The following CEP43 variants were observed in gnomAD, a reference collection of about 807,000 sequenced individuals.
CEP43 encodes centrosomal protein 43, also known as FGFR1 oncogene partner.
Under a neutral mutation model 52.6 loss-of-function variants are expected in CEP43, and 36 were observed. That is an observed-to-expected ratio of 0.68 (90% CI 0.52 to 0.90). CEP43 has a LOEUF of 0.90. CEP43 is among the 40% of genes least tolerant of loss of function. The pLI, the probability that CEP43 is intolerant of heterozygous loss-of-function variation, is 0.00. For synonymous variants in CEP43, 192 were observed against 172.4 expected, an observed-to-expected ratio of 1.11 and a Z score of -0.89; for missense variants, 506 against 472.8, an observed-to-expected ratio of 1.07 and a Z score of -0.65.
At chr6:167,032,821 A>G (rs1054931683) in intron 11 of CEP43, among the ~76,000 whole-genome samples, 179 bp downstream of exon 11, 1 of 152,196 alleles carries the variant, frequency 6.6e-6, no homozygotes, top group African/African-American at 2.4e-5. Flanking sequence ...ATTTTAGAGC[A>G]TGTTTTTGAT....
At position 167,011,809 on chromosome 6, in the gene CEP43, G is replaced by A. The variant is rs568827267; in HGVS notation, c.519+916G>A. On this transcript the variant is annotated intron_variant, in intron 6 of 12. Transcript: ENST00000366847. The stretch of plus-strand genomic sequence containing the variant: ...CACGTGGTGGAAAGAGGGTGAGAGA[G>A]CTCTCTGGGGTCAGGGCCCTAATCC... 3 of 152,392 alleles carry A rather than the reference G, an allele frequency of 2.0e-5. No homozygotes were observed. In the South Asian group the frequency reaches 6.2e-4, roughly 32 times the overall value. The allele number at this position is 152,392 out of a possible 1,614,324, so 9.4% of individuals were successfully genotyped here.
chr6:167,012,671 C>T (rs533785885), intron 6 of CEP43, among the ~76,000 whole-genome samples: 124 of 152,264 alleles, frequency 8.1e-4, no homozygotes, highest in African/African-American at 2.9e-3. Flanking sequence ...ATATTAAAGT[C>T]TATTTTACGT....
intron 7 of CEP43, among the ~76,000 whole-genome samples, chr6:167,019,495 G>A (rs1780178332): frequency 6.6e-6 from 1 of 152,110 alleles, no homozygotes; most frequent in Non-Finnish European, 1.5e-5. Flanking sequence ...TAACCTAGTT[G>A]GTAATGGTCT....
In CEP43 at chr6:167,008,720, C is replaced by T. The variant is rs560913372; in HGVS notation, c.439-2093C>T. ...TCAATCTCTGACCTCGTGATCCACCCGCCTTGGCCTCCCAAATTGCTGGGA... is the reference window on the plus strand; with the variant it reads ...TCAATCTCTGACCTCGTGATCCACCTGCCTTGGCCTCCCAAATTGCTGGGA... On this transcript the variant is annotated intron_variant, in intron 5 of 12. Transcript: ENST00000366847. 7.6e-4 allele frequency among the ~76,000 whole-genome samples: 115 copies of T among 152,064 alleles called. No homozygotes were observed. In the Middle Eastern group the frequency reaches 0.01, roughly 13 times the overall value.
chr6:167,040,085 C>G lies in CEP43; in HGVS notation c.*107C>G, dbSNP rs1474385462. Reference sequence around the variant, plus strand: ...CTGGAATGTCTGCTCTCTATTGGTGCCTTGCATTTCAAAAACACTGCAGAT... The same window carrying G: ...CTGGAATGTCTGCTCTCTATTGGTGGCTTGCATTTCAAAAACACTGCAGAT... On this transcript the variant is annotated 3_prime_UTR_variant, in exon 13 of 13. Coordinates refer to ENST00000366847, the MANE Select transcript of CEP43 (RefSeq NM_007045.4). The G allele has an allele frequency of 1.2e-6, 2 of 1,608,210 alleles. No individual in the cohort carries two copies. Among genetic ancestry groups the G allele is most frequent in the Non-Finnish European group, 1.7e-6 (2 of 1,176,884 alleles).
intron 12 of CEP43, among the ~76,000 whole-genome samples, chr6:167,038,918 G>A (rs190208571): frequency 2.2e-4 from 34 of 152,098 alleles, no homozygotes; most frequent in African/African-American, 7.7e-4. Flanking sequence ...AGTACACACC[G>A]GGCCCAATTT....
In CEP43 at chr6:167,033,791, A is replaced by AAATATCTGAATGTTTAAAGAATAGT. The variant is rs1161995204; in HGVS notation, c.1029-80_1029-56dup. On this transcript the variant is annotated intron_variant, in intron 11 of 12. Transcript: ENST00000366847. The stretch of plus-strand genomic sequence containing the variant: ...TATATTTTACTTAAAGGATTAAAAG[A>AAATATCTGAATGTTTAAAGAATAGT]AATATCTGAATGTTTAAAGAATAGT... 3 of 588,240 alleles carry AAATATCTGAATGTTTAAAGAATAGT rather than the reference A, an allele frequency of 5.1e-6. No individual in the cohort carries two copies. In the African/African-American group the frequency reaches 5.8e-5, roughly 11 times the overall value. 36.4% of individuals were successfully genotyped at this position (588,240 alleles called of 1,614,324 possible).
At chr6:167,000,691 C>T (rs1779715045) in intron 2 of CEP43, among the ~76,000 whole-genome samples, 1 of 152,192 alleles carries the variant, frequency 6.6e-6, no homozygotes, top group Non-Finnish European at 1.5e-5. Context: ...GTCTACTGTC[C>T]TCTCACTTCT....
intron 2 of CEP43, among the ~76,000 whole-genome samples, chr6:167,001,952 C>A (rs6456143): frequency 0.42 from 64,019 of 151,372 alleles, 13,707 homozygotes; most frequent in Non-Finnish European, 0.47. Context: ...CAGTTGACTC[C>A]CTATCTTAGA....
At position 167,033,868 on chromosome 6, in the gene CEP43, A is replaced by G. The variant is rs1321710571; in HGVS notation, c.1029-7A>G. 6.8e-7 allele frequency: 1 copy of G among 1,480,034 alleles called. No individual in the cohort carries two copies. The highest frequency in any genetic ancestry group is 2.0e-5 in the Admixed American group (1 of 49,626). 91.7% of individuals were successfully genotyped at this position (1,480,034 alleles called of 1,614,324 possible). On this transcript the variant is annotated splice_region_variant and splice_polypyrimidine_tract_variant and intron_variant, in intron 11 of 12. Transcript: ENST00000366847. Reference sequence around the variant, plus strand: ...GTTCTTATTTTTTTTTCCCCTTCTGAAATTAGTACCAGCCATCGCTCAGAG... The same window carrying G: ...GTTCTTATTTTTTTTTCCCCTTCTGGAATTAGTACCAGCCATCGCTCAGAG...
At chr6:167,038,587 T>G (rs1583294485) in intron 12 of CEP43, among the ~76,000 whole-genome samples, 1 of 152,218 alleles carries the variant, frequency 6.6e-6, no homozygotes, top group East Asian at 1.9e-4. Flanking sequence ...AATTTGTTTC[T>G]TAGATTAAAT....
Position 167,033,099 on chromosome 6 carries a change from C to CT in CEP43, c.1028+486dup, listed in dbSNP as rs71032896. ...TCTGCCCTAATAAGATTGCCATTCT[C>CT]TTTTTTTTTTTTTTTTTTTTTTTTT... On this transcript the variant is annotated intron_variant, in intron 11 of 12. Transcript: ENST00000366847. Among the ~76,000 whole-genome samples the CT allele has an allele frequency of 4.3e-3, 292 of 68,346 alleles. 28 individuals are homozygous for CT. The highest frequency in any genetic ancestry group is 0.01 in the African/African-American group (190 of 18,350). The allele number at this position is 68,346 out of a possible 152,430, so 44.8% of individuals were successfully genotyped here.
intron 2 of CEP43, among the ~76,000 whole-genome samples, chr6:167,000,635 A>C (rs948813285): frequency 2.0e-5 from 3 of 152,256 alleles, no homozygotes; most frequent in African/African-American, 7.2e-5. Flanking sequence ...GTCAACAAGA[A>C]TAGAACCATC....
chr6:167,005,100 G>A (rs991012127), intron 5 of CEP43, among the ~76,000 whole-genome samples: 2 of 152,154 alleles, frequency 1.3e-5, no homozygotes, highest in Admixed American at 1.3e-4. Context: ...GATTAAATGT[G>A]AGCTTTTAGT....
In CEP43 at chr6:167,040,925, T is replaced by C; in HGVS notation, c.*947T>C. ...CTTAAAAATAGAGCCAATAATAGAA[T>C]TTCCACAGTCTCATTTATACGGTTA... On this transcript the variant is annotated 3_prime_UTR_variant, in exon 13 of 13. Coordinates refer to ENST00000366847, the MANE Select transcript of CEP43 (RefSeq NM_007045.4). 9.8e-7 allele frequency: 1 copy of C among 1,024,288 alleles called. No individual in the cohort carries two copies. The allele number at this position is 1,024,288 out of a possible 1,614,324, so 63.4% of individuals were successfully genotyped here.
intron 6 of CEP43, among the ~76,000 whole-genome samples, chr6:167,012,214 T>C (rs1345591527): frequency 6.6e-6 from 1 of 152,232 alleles, no homozygotes; most frequent in Non-Finnish European, 1.5e-5. Context: ...TATTTTTTGC[T>C]TGTTCTTTGA....
intron 12 of CEP43, among the ~76,000 whole-genome samples, chr6:167,038,191 C>T (rs565544596): frequency 6.6e-6 from 1 of 152,288 alleles, no homozygotes; most frequent in Non-Finnish European, 1.5e-5. Context: ...AATAGGTTAA[C>T]TTTCTAGTTT....
chr6:167,039,770 A>G, intron 12 of CEP43, 134 bp from the exon 13 acceptor site: 1 of 861,728 alleles, frequency 1.2e-6, no homozygotes, highest in Non-Finnish European at 1.9e-6. Context: ...CATTTATATT[A>G]TTTTTTGATT....
intron 7 of CEP43, among the ~76,000 whole-genome samples, chr6:167,016,294 C>T (rs984770723): frequency 6.6e-6 from 1 of 152,214 alleles, no homozygotes; most frequent in Non-Finnish European, 1.5e-5. Context: ...AGGTCTCACT[C>T]TGTCACCTAG....
Sources: allele counts gnomAD v4.1 joint callset (sites outside exome capture counted in the v4.1 genomes callset), GRCh38; gene constraint gnomAD v4.1.1; transcripts MANE v1.5; gene names NCBI Gene and HGNC (gene_info 2026-07-23, HGNC 2026-07-21).